The following PPP6R2 variants were observed in gnomAD, a reference collection of about 807,000 sequenced individuals.
PPP6R2 encodes the protein protein phosphatase 6 regulatory subunit 2.
A neutral mutation model predicts 100.2 loss-of-function variants in PPP6R2; 62 were observed. The ratio of observed to expected loss-of-function variants is 0.62; its 90% confidence interval spans 0.50 to 0.76. The LOEUF (loss-of-function observed/expected upper bound fraction) is 0.76, where lower values mean the gene tolerates loss of function less well. PPP6R2 is among the 30% of genes least tolerant of loss of function. PPP6R2 has a pLI of 0.00. For synonymous variants in PPP6R2, 525 were observed against 514.7 expected, an observed-to-expected ratio of 1.02 and a Z score of -0.27; for missense variants, 1,142 against 1,276.3, an observed-to-expected ratio of 0.89 and a Z score of 1.60.
In PPP6R2 at chr22:50,423,659, G is replaced by A. The variant is rs371713603; in HGVS notation, c.1125+45G>A. On this transcript the variant is annotated intron_variant, in intron 10 of 23. Coordinates refer to ENST00000612753, the MANE Select transcript of PPP6R2 (RefSeq NM_001242898.2). This position sits in a 1 kb window ranked among gnomAD's most constrained non-coding sequence, Gnocchi z 4.8. ...AGCCCTGCATGTCTGTGAGTGTGCC[G>A]GGCATGGCCTGTGGACTTGTCAGGA... is the stretch of plus-strand genomic sequence containing the variant. 36 of 1,608,240 alleles carry A rather than the reference G, an allele frequency of 2.2e-5. No homozygotes were observed. The highest frequency in any genetic ancestry group is 1.9e-4 in the South Asian group (17 of 90,714).
At chr22:50,369,798 G>A (rs1047824257) in intron 1 of PPP6R2, among the ~76,000 whole-genome samples, 9 of 150,176 alleles carry the variant, frequency 6.0e-5, no homozygotes, top group African/African-American at 1.7e-4. Context: ...GAGCCACCGC[G>A]CCTGACCTTT....
chr22:50,377,909 A>T (rs2051972077), intron 2 of PPP6R2, among the ~76,000 whole-genome samples: 1 of 152,084 alleles, frequency 6.6e-6, no homozygotes, highest in South Asian at 2.1e-4. Flanking sequence ...CACGAGGCTG[A>T]GGTAGGAGAA....
chr22:50,406,967 C>T, intron 4 of PPP6R2, 92 bp downstream of exon 4: 1 of 1,302,566 alleles, frequency 7.7e-7, no homozygotes, highest in Non-Finnish European at 1.1e-6. Flanking sequence ...GACTCATCCT[C>T]CGGCCGCGGG....
At position 50,443,879 on chromosome 22, in the gene PPP6R2, G is replaced by A; in HGVS notation, c.2593G>A (p.Asp865Asn). ...TTTGCCACACAGGGTCGGGTGTGCT[G>A]ACAGCCGGCTGTTAAGCCCTGCCTG... Reference protein sequence around the residue: ...EEAVGRVGCADSRLLSPACPA... With the variant: ...EEAVGRVGCANSRLLSPACPA... Residue 865 changes from aspartate (D) to asparagine (N), a missense_variant, in exon 23 of 24, where the codon GAC (aspartate) becomes AAC (asparagine). Asp to Asn is a conservative substitution (Grantham distance 23). Around this residue, in one of 2 missense-constraint regions of PPP6R2, gnomAD observed 550 missense variants for 517.4 expected, o/e 1.06. Transcript: ENST00000612753. 2 of 1,581,506 alleles carry A rather than the reference G, an allele frequency of 1.3e-6. No homozygotes were observed. The highest frequency in any genetic ancestry group is 1.8e-5 in the Admixed American group (1 of 56,612).
intron 9 of PPP6R2, 106 bp downstream of exon 9, chr22:50,422,486 G>C: frequency 6.8e-7 from 1 of 1,462,398 alleles, no homozygotes; most frequent in Non-Finnish European, 9.2e-7. Flanking sequence ...AGAGTGTGGA[G>C]TGAATGTGTT....
chr22:50,420,942 T>G (rs1052342995), intron 8 of PPP6R2, among the ~76,000 whole-genome samples: 11 of 152,148 alleles, frequency 7.2e-5, no homozygotes, highest in African/African-American at 2.7e-4. Flanking sequence ...TGGCCGTAGC[T>G]CCCTTATTTC....
Position 50,406,774 on chromosome 22 carries a change from C to G in PPP6R2, c.313C>G (p.Leu105Val), listed in dbSNP as rs148219827. The change falls in exon 4 of 24, where the codon CTC (leucine) becomes GTC (valine). Residue 105 changes from leucine (L) to valine (V), a missense_variant. By Grantham distance (32) the Leu-to-Val change is conservative (BLOSUM62 1). This residue lies in a region of PPP6R2 where 592 missense variants were observed against 758.9 expected (regional missense o/e 0.78). Transcript: ENST00000612753. ...CGGTGGGGACGAGAGCCTGCTGAGC[C>G]TCCTGTACGACTTCTTGGACCATGA... Reference protein sequence around the residue: ...RLGGDESLLSLLYDFLDHEPP... With the variant: ...RLGGDESLLSVLYDFLDHEPP... 101 of 1,614,096 alleles carry G rather than the reference C, an allele frequency of 6.3e-5. No individual in the cohort carries two copies. In the African/African-American group the frequency reaches 9.2e-4, roughly 15 times the overall value.
intron 3 of PPP6R2, 78 bp downstream of exon 3, chr22:50,394,213 A>T: frequency 6.4e-7 from 1 of 1,559,428 alleles, no homozygotes; most frequent in Admixed American, 1.9e-5. Context: ...GAGGATGGCC[A>T]TAGTTGGGGA....
At chr22:50,333,485 T>C in the PPP6R2 span, among the ~76,000 whole-genome samples, 71,395 of 151,698 alleles carry the variant, frequency 0.47, 18,360 homozygotes, top group African/African-American at 0.68. Flanking sequence ...TACAGGCGCC[T>C]GCCACCACGC....
chr22:50,395,570 T>C (rs963962002), intron 3 of PPP6R2, among the ~76,000 whole-genome samples: 4 of 152,132 alleles, frequency 2.6e-5, no homozygotes, highest in Admixed American at 6.5e-5. Flanking sequence ...TTTTTTATTT[T>C]AGTTTTTTGA....
chr22:50,420,408 G>A (rs561870271), intron 8 of PPP6R2, among the ~76,000 whole-genome samples: 1 of 152,354 alleles, frequency 6.6e-6, no homozygotes, highest in South Asian at 2.1e-4. Flanking sequence ...GGAGGCTGCT[G>A]AGTCACGACA....
chr22:50,375,429 A>G (rs2051271264), intron 2 of PPP6R2, among the ~76,000 whole-genome samples: 2 of 152,176 alleles, frequency 1.3e-5, no homozygotes. Context: ...CTTTGAGTTT[A>G]GAGGATTTGT....
intron 1 of PPP6R2, among the ~76,000 whole-genome samples, chr22:50,349,341 G>A (rs1356976788): frequency 1.4e-5 from 2 of 145,870 alleles, no homozygotes; most frequent in East Asian, 2.0e-4. Flanking sequence ...TCCAGCCTGG[G>A]CGACAGCGTG....
chr22:50,388,534 C>G (rs748341758), intron 2 of PPP6R2, among the ~76,000 whole-genome samples: 3 of 152,076 alleles, frequency 2.0e-5, no homozygotes, highest in African/African-American at 7.2e-5. Flanking sequence ...CTCTGCACTC[C>G]AGTCTGGCTC....
At chr22:50,339,545 GGT>G (rs1318470823), upstream of PPP6R2, among the ~76,000 whole-genome samples, 40 of 122,678 alleles carry the variant, frequency 3.3e-4, no homozygotes, top group East Asian at 5.4e-4. Context: ...GTGTGTGTGT[GGT>G]GTGTGTGTGG....
chr22:50,418,145 A>G (rs541118327), intron 6 of PPP6R2, among the ~76,000 whole-genome samples: 4 of 152,322 alleles, frequency 2.6e-5, no homozygotes, highest in African/African-American at 9.6e-5. Flanking sequence ...TAACATGGCC[A>G]CATATTCAGC....
At chr22:50,437,698 C>G in intron 16 of PPP6R2, 95 bp downstream of exon 16, 1 of 1,404,346 alleles carries the variant, frequency 7.1e-7, no homozygotes, top group Non-Finnish European at 1.0e-6. Flanking sequence ...CCGGGAGTGC[C>G]GTCTGATGTC....
chr22:50,432,305 C>T lies in PPP6R2; in HGVS notation c.1376C>T (p.Ala459Val). ...KCCLVQRILEAWEANDHTQAA... is the reference protein window; with the variant it reads ...KCCLVQRILEVWEANDHTQAA... ...TGCCTGGTGCAGAGGATCCTGGAGGCCTGGGAAGCCAACGACCACACGCAG... is the reference window on the plus strand; with the variant it reads ...TGCCTGGTGCAGAGGATCCTGGAGGTCTGGGAAGCCAACGACCACACGCAG... Residue 459 changes from alanine to valine, a missense_variant, in exon 12 of 24, where the codon GCC (alanine) becomes GTC (valine). Ala to Val is a moderately conservative substitution (Grantham distance 64, BLOSUM62 0). This residue lies in a region of PPP6R2 where 592 missense variants were observed against 758.9 expected (regional missense o/e 0.78). Coordinates refer to ENST00000612753, the MANE Select transcript of PPP6R2 (RefSeq NM_001242898.2). 1.3e-6 allele frequency: 2 copies of T among 1,549,592 alleles called. No individual in the cohort carries two copies. Among genetic ancestry groups the T allele is most frequent in the Non-Finnish European group, 1.7e-6 (2 of 1,147,100 alleles).
chr22:50,444,145 G>A (rs776941495), intron 23 of PPP6R2, 28 bp downstream of exon 23: 7 of 1,612,100 alleles, frequency 4.3e-6, no homozygotes, highest in South Asian at 3.3e-5. Flanking sequence ...GGGGGTAGGG[G>A]GTGTGGACAG....
Sources: allele counts gnomAD v4.1 joint callset (sites outside exome capture counted in the v4.1 genomes callset), GRCh38; gene constraint gnomAD v4.1.1; regional missense constraint gnomAD v4.1.1; non-coding constraint Gnocchi (gnomAD v3.1); transcripts MANE v1.5; gene names NCBI Gene and HGNC (gene_info 2026-07-23, HGNC 2026-07-21).